The following KHDRBS2 variants were observed in gnomAD, a reference collection of about 807,000 sequenced individuals.
KHDRBS2 encodes KH RNA binding domain containing, signal transduction associated 2, also known as KH domain-containing, RNA-binding, signal transduction-associated protein 2.
KHDRBS2 carries 26 observed loss-of-function variants against 44.3 expected under a neutral mutation model. The ratio of observed to expected loss-of-function variants is 0.59; its 90% CI spans 0.43 to 0.81. The LOEUF (loss-of-function observed/expected upper bound fraction) is 0.81. Among genes scored for constraint, KHDRBS2 ranks in the 40% least tolerant of loss-of-function variants. The pLI, the probability that KHDRBS2 is intolerant of heterozygous loss-of-function variation, is 0.00. For synonymous variants in KHDRBS2, 194 were observed against 151.1 expected, an observed-to-expected ratio of 1.28 and a Z score of -2.08; for missense variants, 476 against 433.1, an observed-to-expected ratio of 1.10 and a Z score of -0.88.
intron 6 of KHDRBS2, among the ~76,000 whole-genome samples, chr6:61,733,011 A>G (rs1479658390): frequency 6.6e-6 from 1 of 152,236 alleles, no homozygotes; most frequent in Non-Finnish European, 1.5e-5. Context: ...AGACTTATTT[A>G]GAATTTTCAT....
chr6:61,642,834 G>T, the KHDRBS2 span, among the ~76,000 whole-genome samples: 1 of 152,004 alleles, frequency 6.6e-6, no homozygotes, highest in Non-Finnish European at 1.5e-5. Flanking sequence ...CGTCTCATAA[G>T]AAAATACATT....
chr6:61,654,018 C>T, the KHDRBS2 span, among the ~76,000 whole-genome samples: 12 of 151,974 alleles, frequency 7.9e-5, no homozygotes, highest in Admixed American at 2.0e-4. Flanking sequence ...TAAGATACTA[C>T]GTTGCTTTGT....
At chr6:61,860,128 CCAAA>C (rs1796709145) in intron 6 of KHDRBS2, among the ~76,000 whole-genome samples, 1 of 151,744 alleles carries the variant, frequency 6.6e-6, no homozygotes, top group Non-Finnish European at 1.5e-5. Context: ...ATCTTAAAAT[CCAAA>C]GTAGAATAAG....
At chr6:62,148,950 T>C (rs1814510936) in intron 2 of KHDRBS2, among the ~76,000 whole-genome samples, 1 of 152,106 alleles carries the variant, frequency 6.6e-6, no homozygotes, top group Non-Finnish European at 1.5e-5. Context: ...CTCAAAAGAA[T>C]GCAACCACTT....
chr6:61,684,861 A>C (rs1201333801), intron 8 of KHDRBS2, among the ~76,000 whole-genome samples: 2 of 151,504 alleles, frequency 1.3e-5, no homozygotes, highest in East Asian at 3.9e-4. Flanking sequence ...TTTGGCTTCC[A>C]ATTCAGGCTT....
chr6:62,268,825 T>A (rs1441619894), intron 1 of KHDRBS2, among the ~76,000 whole-genome samples: 1 of 151,984 alleles, frequency 6.6e-6, no homozygotes, highest in Non-Finnish European at 1.5e-5. Flanking sequence ...TGCTTAATAA[T>A]CTCAACAGAG....
Position 62,047,998 on chromosome 6 carries a change from G to A in KHDRBS2, c.220-4C>T. On this transcript the variant is annotated splice_region_variant and splice_polypyrimidine_tract_variant and intron_variant, in intron 2 of 8. Coordinates refer to ENST00000281156, the MANE Select transcript of KHDRBS2 (RefSeq NM_152688.4). ...GCAATTTCCCCACAAAATTGAACTA[G>A]GAAACAAAATCAATAGAATGTCTGT... is the stretch of plus-strand genomic sequence containing the variant. 14 of 1,444,874 alleles carry A rather than the reference G, an allele frequency of 9.7e-6. No homozygotes were observed. Among genetic ancestry groups the A allele is most frequent in the African/African-American group, 2.8e-5 (2 of 71,592 alleles). 89.5% of individuals were successfully genotyped at this position (1,444,874 alleles called of 1,614,324 possible).
the KHDRBS2 span, among the ~76,000 whole-genome samples, chr6:61,672,106 T>C: frequency 7.2e-6 from 1 of 138,906 alleles, no homozygotes; most frequent in African/African-American, 2.6e-5. Flanking sequence ...TTTGGTTTTT[T>C]GTTCTTGGGA....
At chr6:62,093,868 G>T (rs1799989240) in intron 2 of KHDRBS2, among the ~76,000 whole-genome samples, 1 of 148,136 alleles carries the variant, frequency 6.8e-6, no homozygotes, top group Non-Finnish European at 1.5e-5. Flanking sequence ...GTGTGTGTGT[G>T]TGTGTGTGTG....
intron 1 of KHDRBS2, among the ~76,000 whole-genome samples, chr6:62,259,138 T>C (rs1213991286): frequency 6.6e-6 from 1 of 152,024 alleles, no homozygotes; most frequent in Middle Eastern, 3.2e-3. Flanking sequence ...AGAGTTTGTT[T>C]TTAATAATAT....
chr6:61,933,943 C>T (rs1355214697), intron 4 of KHDRBS2, among the ~76,000 whole-genome samples: 2 of 152,096 alleles, frequency 1.3e-5, no homozygotes, highest in East Asian at 1.9e-4. Context: ...CCATTTTCTC[C>T]ATATCCTCAT....
At chr6:61,946,637 C>G (rs1441807431) in intron 4 of KHDRBS2, among the ~76,000 whole-genome samples, 2 of 152,046 alleles carry the variant, frequency 1.3e-5, no homozygotes, top group Non-Finnish European at 2.9e-5. Flanking sequence ...AGAGGATAAG[C>G]CATCCTGAAT....
chr6:62,238,101 T>C (rs1395862801), intron 1 of KHDRBS2, among the ~76,000 whole-genome samples: 6 of 150,046 alleles, frequency 4.0e-5, no homozygotes, highest in Non-Finnish European at 4.4e-5. Flanking sequence ...AAAGCAAAGA[T>C]AGCGCTTAAA....
intron 1 of KHDRBS2, among the ~76,000 whole-genome samples, chr6:62,266,857 T>C (rs1156728391): frequency 1.3e-5 from 2 of 152,052 alleles, no homozygotes; most frequent in African/African-American, 2.4e-5. Flanking sequence ...AATAATAGTG[T>C]ACAATATACA....
rs184372052 is a variant in KHDRBS2 at position 62,132,863 on chromosome 6, C to T, written c.219+44322G>A. ...GAAATCATATATCATAATACAGATC[C>T]AAATAGTTTTAAATCAGATCAACAT... On this transcript the variant is annotated intron_variant, in intron 2 of 8. Coordinates refer to ENST00000281156, the MANE Select transcript of KHDRBS2 (RefSeq NM_152688.4). Among the ~76,000 whole-genome samples the T allele has an allele frequency of 8.8e-4, 134 of 152,178 alleles. 1 individual carries two copies. The highest frequency in any genetic ancestry group is 1.5e-3 in the Non-Finnish European group (100 of 68,016).
the KHDRBS2 span, among the ~76,000 whole-genome samples, chr6:61,607,520 C>CAAAAAAAAAAAAAAA: frequency 3.8e-3 from 155 of 41,106 alleles, 42 homozygotes; most frequent in East Asian, 0.015. Context: ...GAGTTCCAAG[C>CAAAAAAAAAAAAAAA]AAAAAAAAAA....
At chr6:62,195,635 T>C (rs896898004) in intron 1 of KHDRBS2, among the ~76,000 whole-genome samples, 1 of 152,146 alleles carries the variant, frequency 6.6e-6, no homozygotes, top group African/African-American at 2.4e-5. Context: ...TTTTCTGAGC[T>C]AAGGAATGAA....
intron 3 of KHDRBS2, among the ~76,000 whole-genome samples, chr6:62,004,782 G>A (rs1205300839): frequency 5.3e-5 from 8 of 151,970 alleles, no homozygotes; most frequent in African/African-American, 1.7e-4. Context: ...CTGGCAAACC[G>A]AATCTGGCAA....
intron 2 of KHDRBS2, among the ~76,000 whole-genome samples, chr6:62,104,508 C>T (rs1802684939): frequency 6.6e-6 from 1 of 151,826 alleles, no homozygotes. Context: ...CTTGATTATT[C>T]CCAAATACTT....
Sources: gnomAD v4.1 joint callset for allele counts (sites outside exome capture counted in the v4.1 genomes callset) on GRCh38, gnomAD v4.1.1 for gene constraint, MANE v1.5 for transcripts, NCBI Gene and HGNC (gene_info 2026-07-23, HGNC 2026-07-21) for gene names.